Variants in CNTNAP2 observed in about 807,000 individuals in gnomAD.
The protein encoded by CNTNAP2 is contactin-associated protein-like 2.
Under a neutral mutation model 155.2 loss-of-function variants are expected in CNTNAP2, and 98 were observed. The ratio of observed to expected loss-of-function variants is 0.63; its 90% confidence interval spans 0.54 to 0.75. The LOEUF is 0.75. Among genes scored for constraint, CNTNAP2 ranks in the 30% least tolerant of loss-of-function variants. The pLI is 0.00. For synonymous variants in CNTNAP2, 651 were observed against 631.2 expected (o/e 1.03, Z -0.47); for missense variants, 1,727 against 1,688.1 (o/e 1.02, Z -0.40).
intron 3 of CNTNAP2, among the ~76,000 whole-genome samples, chr7:147,037,577 T>C (rs1023413148): frequency 1.3e-5 from 2 of 149,806 alleles, no homozygotes; most frequent in Non-Finnish European, 3.0e-5. Flanking sequence ...TTCTCCTGCC[T>C]CAGCCTCCTG....
At position 146,461,109 on chromosome 7, in the gene CNTNAP2, A is replaced by T. The variant is rs186071178; in HGVS notation, c.98-313162A>T. On this transcript the variant is annotated intron_variant, in intron 1 of 23. Coordinates refer to ENST00000361727, the MANE Select transcript of CNTNAP2 (RefSeq NM_014141.6). ...AAATATGTAATATTTATTTGTTAAT[A>T]ATACCTTAATAAGGCTGGGCGCGGT... is the stretch of plus-strand genomic sequence containing the variant. Among the ~76,000 whole-genome samples, 90 of 152,214 alleles carry T rather than the reference A, an allele frequency of 5.9e-4. 5 individuals are homozygous for T. Among genetic ancestry groups the T allele is most frequent in the Non-Finnish European group, 2.5e-4 (17 of 68,004 alleles).
At chr7:146,486,938 A>G (rs796455048) in intron 1 of CNTNAP2, among the ~76,000 whole-genome samples, 2 of 152,198 alleles carry the variant, frequency 1.3e-5, no homozygotes, top group South Asian at 2.1e-4. Context: ...CTGTACTGTA[A>G]CTTCACTCTG....
chr7:148,330,914 G>T (rs1325782879), intron 21 of CNTNAP2, among the ~76,000 whole-genome samples: 1 of 97,840 alleles, frequency 1.0e-5, no homozygotes, highest in Non-Finnish European at 2.7e-5. Flanking sequence ...CGGATGGAGT[G>T]GATGGATGGA....
intron 1 of CNTNAP2, among the ~76,000 whole-genome samples, chr7:146,667,325 T>A (rs1021736366): frequency 1.3e-5 from 2 of 152,186 alleles, no homozygotes; most frequent in African/African-American, 2.4e-5. Flanking sequence ...TTCTGTATTT[T>A]GTTCCATTAG....
chr7:148,016,759 T>G (rs1377836729), intron 15 of CNTNAP2, among the ~76,000 whole-genome samples: 1 of 152,196 alleles, frequency 6.6e-6, no homozygotes. Context: ...GGAAGGTATA[T>G]ATCCCTAATC....
intron 1 of CNTNAP2, among the ~76,000 whole-genome samples, chr7:146,126,755 T>C (rs1445984902): frequency 6.6e-6 from 1 of 152,188 alleles, no homozygotes; most frequent in Non-Finnish European, 1.5e-5. Flanking sequence ...TTCTTGAGAG[T>C]GCTGTTGAGA....
chr7:147,799,050 C>T (rs914470131), intron 13 of CNTNAP2, among the ~76,000 whole-genome samples: 1 of 152,184 alleles, frequency 6.6e-6, no homozygotes, highest in East Asian at 1.9e-4. Flanking sequence ...AAACCCCAGG[C>T]CTTCCCATAA....
intron 8 of CNTNAP2, among the ~76,000 whole-genome samples, chr7:147,161,181 T>C (rs1802016633): frequency 6.6e-6 from 1 of 152,084 alleles, no homozygotes; most frequent in African/African-American, 2.4e-5. Flanking sequence ...AGATACAAAG[T>C]ATAGAAAAAG....
At chr7:147,546,001 C>T (rs1051831829) in intron 11 of CNTNAP2, among the ~76,000 whole-genome samples, 2 of 152,128 alleles carry the variant, frequency 1.3e-5, no homozygotes, top group East Asian at 1.9e-4. Context: ...TGACTTTCAC[C>T]TTCCGCCATG....
intron 13 of CNTNAP2, among the ~76,000 whole-genome samples, chr7:147,718,272 C>G (rs1796511880): frequency 6.6e-6 from 1 of 152,024 alleles, no homozygotes; most frequent in Admixed American, 6.6e-5. Context: ...TTACTAAACT[C>G]CAGCTTTCAT....
At chr7:147,863,807 T>C (rs1170657333) in intron 13 of CNTNAP2, among the ~76,000 whole-genome samples, 1 of 151,774 alleles carries the variant, frequency 6.6e-6, no homozygotes, top group Non-Finnish European at 1.5e-5. Flanking sequence ...GTTTCAGTTC[T>C]TCGTAGATTC....
intron 1 of CNTNAP2, among the ~76,000 whole-genome samples, chr7:146,304,083 T>C (rs1800663509): frequency 6.7e-6 from 1 of 148,236 alleles, no homozygotes; most frequent in Non-Finnish European, 1.5e-5. Context: ...GAGACTAGGA[T>C]TGCAAACCCT....
chr7:147,271,986 G>T (rs562565785), intron 8 of CNTNAP2, among the ~76,000 whole-genome samples: 1 of 152,036 alleles, frequency 6.6e-6, no homozygotes, highest in African/African-American at 2.4e-5. Flanking sequence ...TCCACCTCCT[G>T]GGTTCAAGCA....
intron 21 of CNTNAP2, among the ~76,000 whole-genome samples, chr7:148,381,048 G>C (rs943070492): frequency 5.9e-5 from 9 of 152,270 alleles, no homozygotes; most frequent in Non-Finnish European, 1.3e-4. Context: ...CCTTGCAGGG[G>C]TAAGCACGCG....
chr7:147,660,909 G>A (rs1466057343), intron 13 of CNTNAP2, among the ~76,000 whole-genome samples: 1 of 152,094 alleles, frequency 6.6e-6, no homozygotes, highest in Non-Finnish European at 1.5e-5. Context: ...GGGATATGGG[G>A]CAGATGAAAT....
chr7:147,951,920 G>A (rs1048758314), intron 14 of CNTNAP2, among the ~76,000 whole-genome samples: 3 of 151,278 alleles, frequency 2.0e-5, no homozygotes, highest in Non-Finnish European at 4.4e-5. Flanking sequence ...CATGTATCCC[G>A]GAACTTAAAG....
At chr7:147,577,661 T>C (rs1157302) in intron 12 of CNTNAP2, among the ~76,000 whole-genome samples, 105,323 of 151,732 alleles carry the variant, frequency 0.69, 37,206 homozygotes, top group African/African-American at 0.82. Flanking sequence ...TCAATATCTG[T>C]TTCATAACAA....
chr7:147,484,184 GA>G (rs1283418797), intron 10 of CNTNAP2, among the ~76,000 whole-genome samples: 1 of 152,020 alleles, frequency 6.6e-6, no homozygotes, highest in Non-Finnish European at 1.5e-5. Context: ...TTGTAGCCTT[GA>G]TAACACTGAG....
intron 2 of CNTNAP2, among the ~76,000 whole-genome samples, chr7:146,818,414 CTT>C (rs1803215813): frequency 6.6e-6 from 1 of 152,086 alleles, no homozygotes; most frequent in Admixed American, 6.6e-5. Flanking sequence ...TTGCATACTC[CTT>C]TCTGTTTAGC....
Sources: gnomAD v4.1 joint callset for allele counts (sites outside exome capture counted in the v4.1 genomes callset) on GRCh38, gnomAD v4.1.1 for gene constraint, MANE v1.5 for transcripts, NCBI Gene and HGNC (gene_info 2026-07-23, HGNC 2026-07-21) for gene names.